Variants in GLI3 observed in about 807,000 individuals in gnomAD.
GLI3 encodes transcription activator GLI3.
A neutral mutation model predicts 100.8 loss-of-function variants in GLI3; 20 were observed. The ratio of observed to expected loss-of-function variants is 0.20; its 90% CI spans 0.14 to 0.29. GLI3 has a LOEUF of 0.29. Among genes scored for constraint, GLI3 ranks in the 10% least tolerant of loss-of-function variants. The pLI is 1.00. For missense variants in GLI3, 2,040 were observed against 2,128.5 expected (o/e 0.96, Z 0.82); for synonymous variants, 938 against 860.5 (o/e 1.09, Z -1.58).
rs139895716 is a variant in GLI3, at chr7:42,090,207, G to A, written c.368-13350C>T. ...CTTGTAGGACTGGAAATTGCTCTGGGTGAGTCAGTGAGTGAGTGGTGAATG... is the reference window on the plus strand; with the variant it reads ...CTTGTAGGACTGGAAATTGCTCTGGATGAGTCAGTGAGTGAGTGGTGAATG... On this transcript the variant is annotated intron_variant, in intron 3 of 14. Coordinates refer to ENST00000395925, the MANE Select transcript of GLI3 (RefSeq NM_000168.6). 1.2e-3 allele frequency among the ~76,000 whole-genome samples: 176 copies of A among 152,302 alleles called. 1 individual carries two copies. Among genetic ancestry groups the A allele is most frequent in the African/African-American group, 4.0e-3 (167 of 41,560 alleles).
rs145658874 is a variant in GLI3 at position 42,087,556 on chromosome 7, C to T, written c.368-10699G>A. 6.6e-5 allele frequency among the ~76,000 whole-genome samples: 10 copies of T among 152,278 alleles called. No homozygotes were observed. In the East Asian group the frequency reaches 1.2e-3, roughly 18 times the overall value. Reference sequence around the variant, plus strand: ...CCTTTTGACTGAGAATGCCCTTTCCCATCAGAGAAACACTGATGGCTCCAG... The same window carrying T: ...CCTTTTGACTGAGAATGCCCTTTCCTATCAGAGAAACACTGATGGCTCCAG... On this transcript the variant is annotated intron_variant, in intron 3 of 14. Transcript: ENST00000395925.
In GLI3 at chr7:41,965,008, G is replaced by A. The variant is rs1309760694; in HGVS notation, c.4065C>T (p.Asn1355=). The A allele has an allele frequency of 1.9e-6, 3 of 1,613,812 alleles. No individual in the cohort carries two copies. The African/African-American group carries it at 4.0e-5, about 22-fold the overall frequency. ...GGCAGCTCTCTGGCCCTTGGTAGAT[G>A]TTGATGTGTGAGGTAGCACTAATCT... is the stretch of plus-strand genomic sequence containing the variant. ...LGQISATSHI[N]IYQGPESCLP... The change falls in exon 15 of 15, where the codon AAC becomes AAT. Residue 1355 remains asparagine (N), a synonymous_variant. Transcript: ENST00000395925.
At chr7:42,261,361 T>C (rs2330417) in intron 1 of GLI3, among the ~76,000 whole-genome samples, 109,018 of 151,688 alleles carry the variant, frequency 0.72, 41,513 homozygotes, top group Middle Eastern at 0.86. Context: ...TACCTCTCAC[T>C]AGGCCTCACC....
intron 3 of GLI3, among the ~76,000 whole-genome samples, chr7:42,088,505 C>T (rs1785151195): frequency 6.6e-6 from 1 of 152,228 alleles, no homozygotes; most frequent in African/African-American, 2.4e-5. Context: ...GACCGTCCAC[C>T]CCTTAGAGCA....
At chr7:42,170,195 T>C (rs1787336679) in intron 2 of GLI3, among the ~76,000 whole-genome samples, 2 of 147,212 alleles carry the variant, frequency 1.4e-5, no homozygotes, top group Non-Finnish European at 3.0e-5. Context: ...GAGGTTGCAG[T>C]GAGCTGAGAT....
intron 2 of GLI3, among the ~76,000 whole-genome samples, chr7:42,190,366 C>G (rs1307844170): frequency 2.0e-5 from 3 of 152,076 alleles, no homozygotes; most frequent in Non-Finnish European, 4.4e-5. Flanking sequence ...CAAGCACAAA[C>G]TGAAAATGGG....
intron 10 of GLI3, among the ~76,000 whole-genome samples, chr7:42,015,306 G>T (rs1464569630): frequency 2.6e-5 from 4 of 152,072 alleles, no homozygotes; most frequent in African/African-American, 9.7e-5. Context: ...GGGTGGGGTC[G>T]GGTGGAGTTG....
chr7:42,262,308 G>C (rs904868734), intron 1 of GLI3, among the ~76,000 whole-genome samples: 6 of 149,498 alleles, frequency 4.0e-5, no homozygotes, highest in Non-Finnish European at 7.4e-5. Flanking sequence ...CATCCAGGCT[G>C]GAGTGCAGAG....
chr7:42,233,652 AAAAGT>A (rs1788736138), intron 1 of GLI3, among the ~76,000 whole-genome samples: 2 of 152,234 alleles, frequency 1.3e-5, no homozygotes, highest in Admixed American at 1.3e-4. Flanking sequence ...CCCATCAAAT[AAAAGT>A]AAAGATGAAA....
At chr7:42,230,024 C>T (rs1045907471) in intron 1 of GLI3, among the ~76,000 whole-genome samples, 4 of 135,864 alleles carry the variant, frequency 2.9e-5, no homozygotes, top group Non-Finnish European at 4.5e-5. Flanking sequence ...GACACTCTAG[C>T]AGTTCCCAGG....
intron 2 of GLI3, among the ~76,000 whole-genome samples, chr7:42,210,040 G>A (rs1309764743): frequency 7.2e-6 from 1 of 139,344 alleles, no homozygotes; most frequent in East Asian, 2.2e-4. Flanking sequence ...TCCATAAAGT[G>A]CCATGTAAAA....
chr7:42,191,778 T>G (rs1333473273), intron 2 of GLI3, among the ~76,000 whole-genome samples: 1 of 152,090 alleles, frequency 6.6e-6, no homozygotes, highest in Non-Finnish European at 1.5e-5. Context: ...ACCATTACTG[T>G]CCACCTTTTA....
chr7:41,974,861 C>G (rs1338846716), intron 12 of GLI3, among the ~76,000 whole-genome samples: 1 of 152,240 alleles, frequency 6.6e-6, no homozygotes, highest in Non-Finnish European at 1.5e-5. Context: ...GGTCCAGTGG[C>G]AGAACCACTT....
rs113880469 is a variant in GLI3, at chr7:42,253,081, A to T, written c.-43+10913T>A. ...AATGGTGGAGCTTGCATTAGCAGAA[A>T]CCACGTGCAATTTTAGGGCAGACGC... On this transcript the variant is annotated intron_variant, in intron 1 of 2. Coordinates refer to the GLI3 transcript ENST00000678978. Among the ~76,000 whole-genome samples, 214 of 152,334 alleles carry T rather than the reference A, an allele frequency of 1.4e-3. 2 individuals carry two copies. Among genetic ancestry groups the T allele is most frequent in the African/African-American group, 4.8e-3 (200 of 41,582 alleles).
intron 10 of GLI3, among the ~76,000 whole-genome samples, chr7:41,995,492 G>T (rs948144962): frequency 1.3e-5 from 2 of 152,038 alleles, no homozygotes; most frequent in Admixed American, 6.6e-5. Flanking sequence ...GTTCAGAGGG[G>T]TTCAGAAGCT....
intron 3 of GLI3, among the ~76,000 whole-genome samples, chr7:42,111,769 C>T (rs781112954): frequency 2.0e-4 from 30 of 152,244 alleles, no homozygotes; most frequent in Non-Finnish European, 3.7e-4. Flanking sequence ...CTCTTTAGTC[C>T]AGGAAAAGGA....
chr7:42,060,911 A>C (rs1412363633), intron 4 of GLI3, among the ~76,000 whole-genome samples: 1 of 152,202 alleles, frequency 6.6e-6, no homozygotes, highest in African/African-American at 2.4e-5. Flanking sequence ...GCCATAATAC[A>C]CATCAAGTGT....
chr7:42,177,435 T>C (rs1787503226), intron 2 of GLI3, among the ~76,000 whole-genome samples: 1 of 151,888 alleles, frequency 6.6e-6, no homozygotes, highest in Non-Finnish European at 1.5e-5. Context: ...TGAAGCAGAG[T>C]CCACAATTAT....
At chr7:42,054,501 C>G (rs1347602092) in intron 4 of GLI3, among the ~76,000 whole-genome samples, 1 of 152,116 alleles carries the variant, frequency 6.6e-6, no homozygotes, top group Admixed American at 6.5e-5. Flanking sequence ...TACTGGAAGA[C>G]TGAAATATGT....
Sources: gnomAD v4.1 joint callset for allele counts (sites outside exome capture counted in the v4.1 genomes callset) on GRCh38, gnomAD v4.1.1 for gene constraint, MANE v1.5 for transcripts, NCBI Gene and HGNC (gene_info 2026-07-23, HGNC 2026-07-21) for gene names.